The following PDCD5 variants were observed in gnomAD, a reference collection of about 807,000 sequenced individuals.
The protein encoded by PDCD5 is programmed cell death protein 5.
Under a neutral mutation model 21.9 loss-of-function variants are expected in PDCD5, and 23 were observed. That is an observed-to-expected ratio of 1.05 (90% CI 0.76 to 1.49). The LOEUF (loss-of-function observed/expected upper bound fraction) is 1.49, where lower values mean the gene tolerates loss of function less well. Among genes scored for constraint, PDCD5 ranks in the 40% most tolerant of loss-of-function variants. PDCD5 has a pLI of 0.00. For missense variants in PDCD5, 152 were observed against 147.7 expected (o/e 1.03, Z -0.15); for synonymous variants, 45 against 49.4 (o/e 0.91, Z 0.37).
At chr19:32,585,686 A>AT in intron 3 of PDCD5, 130 bp from the exon 4 acceptor site, 1 of 641,286 alleles carries the variant, frequency 1.6e-6, no homozygotes, top group South Asian at 2.0e-5. Flanking sequence ...AGGAGTAACA[A>AT]TACTGTCTTG....
chr19:32,581,390 G>C (rs888050445), intron 1 of PDCD5, 63 bp downstream of exon 1: 1 of 1,197,778 alleles, frequency 8.3e-7, no homozygotes, highest in Admixed American at 3.4e-5. Flanking sequence ...CCGGAGTGTA[G>C]GGCGCGCCTC....
Position 32,587,316 on chromosome 19 carries a change from A to G in PDCD5, c.*16A>G, listed in dbSNP as rs755100389. 2 of 1,578,186 alleles carry G rather than the reference A, an allele frequency of 1.3e-6. No homozygotes were observed. Among genetic ancestry groups the G allele is most frequent in the Non-Finnish European group, 1.7e-6 (2 of 1,149,468 alleles). ...CGATTATTGAACTACAAGTGCTCAC[A>G]GACTAGAACTTAACGGAACAAGTCT... On this transcript the variant is annotated 3_prime_UTR_variant, in exon 6 of 6. Transcript: ENST00000590247.
At chr19:32,586,774 AAG>A in intron 4 of PDCD5, 82 bp from the exon 5 acceptor site, 4 of 1,513,656 alleles carry the variant, frequency 2.6e-6, no homozygotes, top group Non-Finnish European at 3.5e-6. Flanking sequence ...ACACCTCAAA[AAG>A]AGTACAAAGT....
chr19:32,581,346 G>T lies in PDCD5; in HGVS notation c.66+19G>T. The T allele has an allele frequency of 2.0e-6, 3 of 1,468,156 alleles. No homozygotes were observed. Among genetic ancestry groups the T allele is most frequent in the Non-Finnish European group, 2.7e-6 (3 of 1,107,188 alleles). The allele number at this position is 1,468,156 out of a possible 1,614,324, so 90.9% of individuals were successfully genotyped here. Reference sequence around the variant, plus strand: ...ACACGGGGTGAGCGCATCAGCCCCCGCCAGGCTTGGCCCTCGCGGGGCGCC... The same window carrying T: ...ACACGGGGTGAGCGCATCAGCCCCCTCCAGGCTTGGCCCTCGCGGGGCGCC... On this transcript the variant is annotated intron_variant, in intron 1 of 5. Coordinates refer to ENST00000590247, the MANE Select transcript of PDCD5 (RefSeq NM_004708.4).
rs1330036356 is a variant in PDCD5, at chr19:32,586,039, G to T, written c.258+132G>T. ...TCAGAAGAAATTGTTGGAGAGAATAGTCATACCTACTTTAAAAGAGAATAA... is the reference window on the plus strand; with the variant it reads ...TCAGAAGAAATTGTTGGAGAGAATATTCATACCTACTTTAAAAGAGAATAA... On this transcript the variant is annotated intron_variant, in intron 4 of 5. Coordinates refer to ENST00000590247, the MANE Select transcript of PDCD5 (RefSeq NM_004708.4). 4 of 1,586,626 alleles carry T rather than the reference G, an allele frequency of 2.5e-6. No homozygotes were observed. In the South Asian group the frequency reaches 4.5e-5, roughly 18 times the overall value.
Position 32,581,260 on chromosome 19 carries a change from C to T in PDCD5, c.-2C>T, listed in dbSNP as rs377377873. ...CGGCTGCTCCAGCGCTGACGCCGAG[C>T]CATGGCGGACGAGGAGCTTGAGGCG... is the stretch of plus-strand genomic sequence containing the variant. On this transcript the variant is annotated 5_prime_UTR_variant, in exon 1 of 6. Transcript: ENST00000590247. 4.5e-4 allele frequency: 674 copies of T among 1,511,572 alleles called. 2 individuals are homozygous for T. In the Middle Eastern group the frequency reaches 8.2e-3, roughly 18 times the overall value. The allele number at this position is 1,511,572 out of a possible 1,614,324, so 93.6% of individuals were successfully genotyped here. A position where few individuals can be genotyped will look rare whatever the true frequency, so the allele number is the denominator to read the frequency against.
intron 4 of PDCD5, chr19:32,586,145 T>TGTTA (rs1971474284): frequency 8.1e-6 from 12 of 1,483,840 alleles, no homozygotes; most frequent in Non-Finnish European, 1.1e-5. Context: ...ACCCAATGAC[T>TGTTA]GTTAGGGTCA....
intron 4 of PDCD5, chr19:32,586,508 G>A (rs779126345): frequency 1.3e-4 from 139 of 1,098,022 alleles, no homozygotes; most frequent in East Asian, 2.0e-4. Context: ...TAAGCTTCTC[G>A]GGCAGAAGTG....
chr19:32,582,322 G>A, intron 2 of PDCD5, 90 bp downstream of exon 2: 1 of 1,194,446 alleles, frequency 8.4e-7, no homozygotes, highest in South Asian at 1.3e-5. Flanking sequence ...GTGTGACTCA[G>A]ATTTTTTTGT....
At chr19:32,583,404 T>C (rs1044874710) in intron 2 of PDCD5, among the ~76,000 whole-genome samples, 2 of 151,612 alleles carry the variant, frequency 1.3e-5, no homozygotes, top group African/African-American at 4.8e-5. Flanking sequence ...CTCAGCCTCC[T>C]GAGGAGCTGA....
In PDCD5 at chr19:32,581,346, G is replaced by A; in HGVS notation, c.66+19G>A. 1.4e-6 allele frequency: 2 copies of A among 1,468,144 alleles called. No homozygotes were observed. Among genetic ancestry groups the A allele is most frequent in the Non-Finnish European group, 1.8e-6 (2 of 1,107,178 alleles). 90.9% of individuals were successfully genotyped at this position (1,468,144 alleles called of 1,614,324 possible). The stretch of plus-strand genomic sequence containing the variant: ...ACACGGGGTGAGCGCATCAGCCCCC[G>A]CCAGGCTTGGCCCTCGCGGGGCGCC... On this transcript the variant is annotated intron_variant, in intron 1 of 5. Transcript: ENST00000590247.
At chr19:32,582,072 T>A in intron 1 of PDCD5, 123 bp from the exon 2 acceptor site, 1 of 702,052 alleles carries the variant, frequency 1.4e-6, no homozygotes, top group Non-Finnish European at 2.5e-6. Flanking sequence ...GCCCAGTTTC[T>A]TATTTGGGGA....
intron 1 of PDCD5, chr19:32,581,569 G>A (rs968965324): frequency 1.1e-5 from 4 of 357,316 alleles, no homozygotes; most frequent in Non-Finnish European, 1.5e-5. Context: ...TGGGGTGTGG[G>A]GTCCCCTAGC....
In PDCD5 at chr19:32,584,932, C is replaced by T. The variant is rs1206491829; in HGVS notation, c.105-18C>T. ...ACAGCTGTGTTTTAATTGTGTTTGACCTATGTTTTCGTTGTAGGGAAGCAG... is the reference window on the plus strand; with the variant it reads ...ACAGCTGTGTTTTAATTGTGTTTGATCTATGTTTTCGTTGTAGGGAAGCAG... On this transcript the variant is annotated intron_variant, in intron 2 of 5. Transcript: ENST00000590247. 1 of 1,606,262 alleles carries T rather than the reference C, an allele frequency of 6.2e-7. No individual in the cohort carries two copies. The highest frequency in any genetic ancestry group is 8.5e-7 in the Non-Finnish European group (1 of 1,172,944).
Position 32,586,873 on chromosome 19 carries a change from T to G in PDCD5, c.274T>G (p.Leu92Val). Residue 92 changes from leucine to valine, a missense_variant, in exon 5 of 6, where the codon TTA becomes GTA. By Grantham distance (32) the Leu-to-Val change is conservative (BLOSUM62 1). Coordinates refer to ENST00000590247, the MANE Select transcript of PDCD5 (RefSeq NM_004708.4). ...QLSEKVSEQG[L>V]IEILKKVSQQ... ...GTTCTCCTAGGTATCAGAACAAGGT[T>G]TAATAGAAATCCTTAAAAAAGTAAG... The G allele has an allele frequency of 2.5e-6, 4 of 1,612,396 alleles. No homozygotes were observed. Among genetic ancestry groups the G allele is most frequent in the Non-Finnish European group, 3.4e-6 (4 of 1,179,426 alleles).
At chr19:32,583,250 C>G (rs140921949) in intron 2 of PDCD5, among the ~76,000 whole-genome samples, 1 of 152,196 alleles carries the variant, frequency 6.6e-6, no homozygotes, top group East Asian at 1.9e-4. Context: ...CAGGTGCATG[C>G]AAGCTTTTGT....
Position 32,586,795 on chromosome 19 carries a change from C to T in PDCD5, c.259-63C>T, listed in dbSNP as rs1455982074. Reference sequence around the variant, plus strand: ...CAAAAAGAGTACAAAGTGATTCCATCTGCAGAGGTAAATTCTTTGTTTAAA... The same window carrying T: ...CAAAAAGAGTACAAAGTGATTCCATTTGCAGAGGTAAATTCTTTGTTTAAA... On this transcript the variant is annotated intron_variant, in intron 4 of 5. Transcript: ENST00000590247. The T allele has an allele frequency of 3.2e-6, 5 of 1,568,286 alleles. No homozygotes were observed. The African/African-American group carries it at 5.5e-5, about 17-fold the overall frequency.
chr19:32,582,765 C>T (rs1285700157), intron 2 of PDCD5, among the ~76,000 whole-genome samples: 1 of 152,180 alleles, frequency 6.6e-6, no homozygotes, highest in Middle Eastern at 3.2e-3. Flanking sequence ...TGTTCACACT[C>T]TAGAATGTTT....
At chr19:32,582,272 A>G in intron 2 of PDCD5, 40 bp downstream of exon 2, 3 of 1,552,468 alleles carry the variant, frequency 1.9e-6, no homozygotes, top group Non-Finnish European at 2.7e-6. Context: ...GGGTGGTTTC[A>G]CCAAATGGAT....
Sources: allele counts gnomAD v4.1 joint callset (sites outside exome capture counted in the v4.1 genomes callset), GRCh38; gene constraint gnomAD v4.1.1; transcripts MANE v1.5; gene names NCBI Gene and HGNC (gene_info 2026-07-23, HGNC 2026-07-21).